Variants in TTC6 observed in about 807,000 individuals in gnomAD.
TTC6 encodes tetratricopeptide repeat domain 6.
A neutral mutation model predicts 210.4 loss-of-function variants in TTC6; 172 were observed. The ratio of observed to expected loss-of-function variants is 0.82; its 90% CI spans 0.72 to 0.93. The LOEUF (loss-of-function observed/expected upper bound fraction) is 0.93, where lower values mean the gene tolerates loss of function less well. Among genes scored for constraint, TTC6 ranks in the 40% least tolerant of loss-of-function variants. TTC6 has a pLI of 0.00. For missense variants in TTC6, 2,414 were observed against 2,318.1 expected (o/e 1.04, Z -0.85); for synonymous variants, 804 against 819.6 (o/e 0.98, Z 0.32).
intron 1 of TTC6, among the ~76,000 whole-genome samples, chr14:37,596,875 T>G (rs923292498): frequency 6.6e-6 from 1 of 152,220 alleles, no homozygotes; most frequent in African/African-American, 2.4e-5. Flanking sequence ...TTAAATCTCT[T>G]TTACTTGAAA....
intron 29 of TTC6, among the ~76,000 whole-genome samples, chr14:37,834,751 T>C (rs2096193909): frequency 6.6e-6 from 1 of 152,222 alleles, no homozygotes; most frequent in African/African-American, 2.4e-5. Context: ...TTTTTCATGT[T>C]TCTTGTGTCC....
At chr14:37,651,417 ATATATATATTTTTTTTTTTTTTTTTTT>A (rs2095712022) in intron 1 of TTC6, among the ~76,000 whole-genome samples, 1 of 20,272 alleles carries the variant, frequency 4.9e-5, no homozygotes, top group African/African-American at 2.6e-4. Flanking sequence ...ATATATATAT[ATATATATATTTTTTTTTTTTTTTTTTT>A]TTTTTTTTTC....
intron 5 of TTC6, among the ~76,000 whole-genome samples, chr14:37,706,628 A>G (rs8013604): frequency 1 from 151,629 of 152,202 alleles, 75,536 homozygotes; most frequent in Middle Eastern, 1. Flanking sequence ...ATGAGGTAGA[A>G]TTTTGTATTC....
intron 1 of TTC6, among the ~76,000 whole-genome samples, chr14:37,635,287 C>T (rs1280667688): frequency 1.3e-5 from 2 of 152,108 alleles, no homozygotes; most frequent in Non-Finnish European, 2.9e-5. Context: ...GTATCATGTA[C>T]TATCTACAGA....
intron 10 of TTC6, 61 bp from the exon 13 acceptor site, chr14:37,748,878 T>C (rs1168191627): frequency 2.3e-6 from 3 of 1,309,758 alleles, no homozygotes; most frequent in African/African-American, 3.0e-5. Context: ...TGAGTTGATT[T>C]ACTGATTAGA....
At chr14:37,675,216 A>G (rs2095766454) in intron 1 of TTC6, among the ~76,000 whole-genome samples, 1 of 152,122 alleles carries the variant, frequency 6.6e-6, no homozygotes, top group South Asian at 2.1e-4. Flanking sequence ...CATGTTAAAC[A>G]GTCATTCGCC....
chr14:37,648,283 T>C (rs967737748), intron 1 of TTC6, among the ~76,000 whole-genome samples: 3 of 152,196 alleles, frequency 2.0e-5, no homozygotes, highest in Non-Finnish European at 4.4e-5. Flanking sequence ...TAGATATTCA[T>C]TATTAGGTTC....
At chr14:37,633,180 A>C (rs1336795794) in intron 1 of TTC6, among the ~76,000 whole-genome samples, 1 of 151,408 alleles carries the variant, frequency 6.6e-6, no homozygotes, top group Non-Finnish European at 1.5e-5. Context: ...TGAAATAAAA[A>C]CTCCTGAAGC....
At chr14:37,596,783 T>A (rs749225012) in intron 1 of TTC6, among the ~76,000 whole-genome samples, 6 of 152,230 alleles carry the variant, frequency 3.9e-5, no homozygotes, top group Non-Finnish European at 7.3e-5. Flanking sequence ...GCAAAGTTTT[T>A]AAAATGTTAT....
chr14:37,687,457 T>C (rs1287223704), intron 3 of TTC6, among the ~76,000 whole-genome samples: 1 of 152,086 alleles, frequency 6.6e-6, no homozygotes, highest in African/African-American at 2.4e-5. Flanking sequence ...GGCTCAGAGA[T>C]AGTGGACTAG....
intron 10 of TTC6, 75 bp from the exon 13 acceptor site, chr14:37,748,864 T>C: frequency 8.5e-7 from 1 of 1,181,516 alleles, no homozygotes; most frequent in Non-Finnish European, 1.1e-6. Flanking sequence ...GTTTTATGTG[T>C]GGCTGAGTTG....
chr14:37,814,299 A>C lies in TTC6; in HGVS notation c.4689+1866A>C, dbSNP rs369123534. On this transcript the variant is annotated intron_variant, in intron 25 of 30. Coordinates refer to ENST00000553443, the Ensembl canonical transcript of TTC6. ...CTGCCCCAGGACCTTTACACAAGCG[A>C]GTCCCTATGCGTACAGCACTCTTCC... Among the ~76,000 whole-genome samples, 18 of 152,296 alleles carry C rather than the reference A, an allele frequency of 1.2e-4. No homozygotes were observed. In the South Asian group the frequency reaches 3.7e-3, roughly 32 times the overall value.
chr14:37,702,735 G>C (rs1041133387), intron 5 of TTC6, among the ~76,000 whole-genome samples: 1 of 152,026 alleles, frequency 6.6e-6, no homozygotes, highest in African/African-American at 2.4e-5. Context: ...ACTTTTCATG[G>C]TATATTTTGA....
intron 14 of TTC6, among the ~76,000 whole-genome samples, chr14:37,778,917 A>G (rs1386114845): frequency 1.3e-5 from 2 of 152,134 alleles, no homozygotes; most frequent in Non-Finnish European, 2.9e-5. Flanking sequence ...TAAAGTCTCC[A>G]AGGGGAGCAT....
At chr14:37,736,397 A>G (rs1465705622) in intron 8 of TTC6, among the ~76,000 whole-genome samples, 1 of 151,994 alleles carries the variant, frequency 6.6e-6, no homozygotes, top group Non-Finnish European at 1.5e-5. Flanking sequence ...AATGGCTCAG[A>G]CCATTCAGTG....
chr14:37,622,381 C>G (rs2095652745), exon 1 of TTC6: 2 of 1,531,230 alleles, frequency 1.3e-6, no homozygotes, highest in Non-Finnish European at 8.7e-7. Flanking sequence ...CTGGGTGAGG[C>G]GGCGGCTCCA....
intron 4 of TTC6, among the ~76,000 whole-genome samples, chr14:37,700,079 A>C (rs1566896703): frequency 6.6e-6 from 1 of 152,170 alleles, no homozygotes; most frequent in Non-Finnish European, 1.5e-5. Context: ...TTTGGGGGTC[A>C]GAAGAGAACA....
chr14:37,661,004 T>C (rs2095736245), intron 1 of TTC6, among the ~76,000 whole-genome samples: 1 of 152,242 alleles, frequency 6.6e-6, no homozygotes, highest in Non-Finnish European at 1.5e-5. Context: ...TGTCTGTTCA[T>C]GTCCTTTTCC....
exon 1 of TTC6, chr14:37,595,868 G>C (rs954058413): frequency 6.6e-6 from 1 of 152,134 alleles, no homozygotes. Flanking sequence ...GACTAGAAAA[G>C]GGAAAAAGCC....
Sources: allele counts gnomAD v4.1 joint callset (sites outside exome capture counted in the v4.1 genomes callset), GRCh38; gene constraint gnomAD v4.1.1; transcripts MANE v1.5; gene names NCBI Gene and HGNC (gene_info 2026-07-23, HGNC 2026-07-21).